SLC9A9: variants seen among roughly 807,000 people sequenced by gnomAD.
SLC9A9 encodes the protein solute carrier family 9 member A9.
Under a neutral mutation model 77.8 loss-of-function variants are expected in SLC9A9, and 62 were observed. The ratio of observed to expected loss-of-function variants is 0.80; its 90% CI spans 0.65 to 0.98. The LOEUF (loss-of-function observed/expected upper bound fraction) is 0.98, where lower values mean the gene tolerates loss of function less well. Among genes scored for constraint, SLC9A9 ranks in the 50% least tolerant of loss-of-function variants. The pLI, the probability that SLC9A9 is intolerant of heterozygous loss-of-function variation, is 0.00. For missense variants in SLC9A9, 775 were observed against 774.9 expected, an observed-to-expected ratio of 1.00 and a Z score of 0.00; for synonymous variants, 320 against 283.5, an observed-to-expected ratio of 1.13 and a Z score of -1.29.
intron 13 of SLC9A9, among the ~76,000 whole-genome samples, chr3:143,366,278 T>G (rs2032899315): frequency 6.6e-6 from 1 of 152,224 alleles, no homozygotes; most frequent in Non-Finnish European, 1.5e-5. Flanking sequence ...CAGTCATTAT[T>G]TTTTCAATTC....
chr3:143,372,643 G>A (rs923514582), intron 13 of SLC9A9, among the ~76,000 whole-genome samples: 5 of 152,038 alleles, frequency 3.3e-5, no homozygotes, highest in African/African-American at 7.2e-5. Context: ...ATAAACTTAC[G>A]TGTAGCAAAA....
chr3:143,593,095 T>C (rs1055175651), intron 6 of SLC9A9, among the ~76,000 whole-genome samples: 2 of 152,176 alleles, frequency 1.3e-5, no homozygotes, highest in African/African-American at 4.8e-5. Context: ...CATATGCCTT[T>C]GTCTAAGATG....
At chr3:143,610,400 GC>G (rs2038005620) in intron 6 of SLC9A9, among the ~76,000 whole-genome samples, 1 of 152,150 alleles carries the variant, frequency 6.6e-6, no homozygotes, top group East Asian at 1.9e-4. Context: ...TCTTGCCTTC[GC>G]CTCTCAAAGT....
At chr3:143,481,989 A>T (rs935564016) in intron 11 of SLC9A9, among the ~76,000 whole-genome samples, 1 of 152,174 alleles carries the variant, frequency 6.6e-6, no homozygotes, top group Non-Finnish European at 1.5e-5. Context: ...CAAAGTGTCA[A>T]ATTGGATTCT....
intron 6 of SLC9A9, among the ~76,000 whole-genome samples, chr3:143,597,582 G>C (rs904700853): frequency 6.6e-6 from 1 of 152,182 alleles, no homozygotes; most frequent in Non-Finnish European, 1.5e-5. Context: ...AGCTGCTGCT[G>C]AATAAAACCA....
chr3:143,414,646 A>C (rs1449923420), intron 12 of SLC9A9, among the ~76,000 whole-genome samples: 1 of 152,128 alleles, frequency 6.6e-6, no homozygotes, highest in Non-Finnish European at 1.5e-5. Context: ...TTAATGGATA[A>C]ATGTGTGTGT....
intron 12 of SLC9A9, among the ~76,000 whole-genome samples, chr3:143,390,884 G>T (rs2033547689): frequency 6.6e-6 from 1 of 152,232 alleles, no homozygotes; most frequent in Non-Finnish European, 1.5e-5. Context: ...GAACTGCAAG[G>T]CAGCAGCAAG....
intron 4 of SLC9A9, among the ~76,000 whole-genome samples, chr3:143,697,680 G>A (rs907412792): frequency 7.4e-6 from 1 of 134,820 alleles, no homozygotes; most frequent in Non-Finnish European, 1.6e-5. Context: ...AAACATGCAT[G>A]TGTGTGAGTA....
chr3:143,690,623 C>G (rs781118738), intron 5 of SLC9A9, among the ~76,000 whole-genome samples: 5 of 152,170 alleles, frequency 3.3e-5, no homozygotes, highest in East Asian at 3.9e-4. Context: ...AAAAATGGCA[C>G]CTTTTGATCA....
Position 143,412,975 on chromosome 3 carries a change from A to C in SLC9A9, c.1470-30861T>G, listed in dbSNP as rs577205828. On this transcript the variant is annotated intron_variant, in intron 12 of 15. Coordinates refer to ENST00000316549, the MANE Select transcript of SLC9A9 (RefSeq NM_173653.4). ...AGAAAGGGCCAGGAAGCTCTGGCTA[A>C]AGTTTTAAACAGAGGAACTGGTCCT... Among the ~76,000 whole-genome samples, 181 of 152,322 alleles carry C rather than the reference A, an allele frequency of 1.2e-3. 1 individual carries two copies. The highest frequency in any genetic ancestry group is 4.3e-3 in the African/African-American group (178 of 41,582).
intron 8 of SLC9A9, among the ~76,000 whole-genome samples, chr3:143,557,078 A>G (rs891932202): frequency 1.3e-5 from 2 of 152,104 alleles, no homozygotes; most frequent in Non-Finnish European, 2.9e-5. Context: ...CAGGGGAGGA[A>G]CCCAGTGGGA....
rs573452011 is a variant in SLC9A9 at position 143,421,610 on chromosome 3, C to G, written c.1470-39496G>C. On this transcript the variant is annotated intron_variant, in intron 12 of 15. Coordinates refer to ENST00000316549, the MANE Select transcript of SLC9A9 (RefSeq NM_173653.4). ...AATTAATCTAAGGTGAATTAAAAAA[C>G]TAAGTGTAAAACTTCAAACTATAAA... Among the ~76,000 whole-genome samples, 8 of 152,208 alleles carry G rather than the reference C, an allele frequency of 5.3e-5. No homozygotes were observed. The South Asian group carries it at 1.7e-3, about 31-fold the overall frequency.
At chr3:143,704,709 G>A (rs1485342126) in intron 4 of SLC9A9, among the ~76,000 whole-genome samples, 20 of 151,946 alleles carry the variant, frequency 1.3e-4, no homozygotes, top group Admixed American at 1.1e-3. Flanking sequence ...TAAAAAAAAT[G>A]TGGCTTGGTG....
chr3:143,668,786 C>T (rs961123770), intron 5 of SLC9A9, among the ~76,000 whole-genome samples: 4 of 152,322 alleles, frequency 2.6e-5, no homozygotes, highest in East Asian at 1.9e-4. Context: ...ATTCTGCCCT[C>T]GTAATCAGGA....
intron 6 of SLC9A9, among the ~76,000 whole-genome samples, chr3:143,639,910 C>T (rs997423135): frequency 1.3e-5 from 2 of 151,884 alleles, no homozygotes; most frequent in African/African-American, 2.4e-5. Context: ...AAAGTGGATG[C>T]TGATTATAAT....
At chr3:143,346,311 C>T (rs1446840705) in intron 14 of SLC9A9, among the ~76,000 whole-genome samples, 2 of 152,136 alleles carry the variant, frequency 1.3e-5, no homozygotes, top group African/African-American at 4.8e-5. Flanking sequence ...CAAAACTTTA[C>T]TCAAATGGAA....
intron 9 of SLC9A9, among the ~76,000 whole-genome samples, chr3:143,533,336 C>T (rs544143625): frequency 3.9e-4 from 60 of 152,288 alleles, no homozygotes; most frequent in African/African-American, 1.3e-3. Context: ...TCCTACTTGC[C>T]TTAATTCCCA....
chr3:143,641,714 C>T (rs1371601898), intron 6 of SLC9A9, among the ~76,000 whole-genome samples: 1 of 152,152 alleles, frequency 6.6e-6, no homozygotes, highest in East Asian at 1.9e-4. Flanking sequence ...TCTTTTGCAT[C>T]ATTTTGAGAA....
intron 4 of SLC9A9, among the ~76,000 whole-genome samples, chr3:143,794,340 G>C (rs1410413371): frequency 6.6e-6 from 1 of 151,572 alleles, no homozygotes; most frequent in African/African-American, 2.4e-5. Context: ...TTTTCCTGCA[G>C]TGGAGCTTTA....
Sources: allele counts gnomAD v4.1 joint callset (sites outside exome capture counted in the v4.1 genomes callset), GRCh38; gene constraint gnomAD v4.1.1; transcripts MANE v1.5; gene names NCBI Gene and HGNC (gene_info 2026-07-23, HGNC 2026-07-21).